EIF4B: variants seen among roughly 807,000 people sequenced by gnomAD.
The protein encoded by EIF4B is eukaryotic translation initiation factor 4B.
Under a neutral mutation model 79.3 loss-of-function variants are expected in EIF4B, and 8 were observed. That is an observed-to-expected ratio of 0.10 (90% CI 0.06 to 0.18). EIF4B has a LOEUF of 0.18. Among genes scored for constraint, EIF4B ranks in the 10% least tolerant of loss-of-function variants. The probability of loss-of-function intolerance (pLI) is 1.00; values close to 1 mark genes in which losing one functional copy is unlikely to be tolerated. For missense variants in EIF4B, 515 were observed against 792.4 expected (o/e 0.65, Z 4.20); for synonymous variants, 238 against 274.7 (o/e 0.87, Z 1.32).
At chr12:53,034,116 A>G (rs1943495375) in intron 9 of EIF4B, 82 bp downstream of exon 9, 1 of 1,392,440 alleles carries the variant, frequency 7.2e-7, no homozygotes, top group African/African-American at 1.4e-5. Flanking sequence ...CATTTGGGAA[A>G]TTTGTGTCGT....
intron 8 of EIF4B, 99 bp from the exon 9 acceptor site, chr12:53,033,707 C>T: frequency 1.5e-6 from 2 of 1,300,116 alleles, no homozygotes; most frequent in Non-Finnish European, 2.1e-6. Context: ...ACTTGAATCT[C>T]ATGTAGCATT....
intron 8 of EIF4B, among the ~76,000 whole-genome samples, chr12:53,033,266 G>A (rs748659479): frequency 2.6e-5 from 4 of 151,428 alleles, no homozygotes; most frequent in South Asian, 2.1e-4. Context: ...TGATCCACCC[G>A]CCTCGGCCTC....
At chr12:53,026,952 G>A (rs1275426373) in intron 6 of EIF4B, among the ~76,000 whole-genome samples, 2 of 151,840 alleles carry the variant, frequency 1.3e-5, no homozygotes, top group Non-Finnish European at 2.9e-5. Flanking sequence ...TGTCCTGTTA[G>A]TCATATGTTG....
chr12:53,007,118 AT>A lies in EIF4B; in HGVS notation c.13+623del, dbSNP rs561709593. Among the ~76,000 whole-genome samples the A allele has an allele frequency of 3.8e-3, 580 of 152,234 alleles. 2 individuals carry two copies. The highest frequency in any genetic ancestry group is 0.013 in the African/African-American group (544 of 41,544). ...TTTAACGCGCCTGTGTTGCGCACTT[AT>A]GTCCTTTTAGGTTGTCTCTTCCCTT... On this transcript the variant is annotated intron_variant, in intron 1 of 14. Coordinates refer to ENST00000262056, the MANE Select transcript of EIF4B (RefSeq NM_001417.7).
Position 53,040,245 on chromosome 12 carries a change from C to G in EIF4B, c.*22C>G. The G allele has an allele frequency of 6.3e-7, 1 of 1,587,324 alleles. No individual in the cohort carries two copies. Among genetic ancestry groups the G allele is most frequent in the Non-Finnish European group, 8.6e-7 (1 of 1,156,900 alleles). ...ATAGACCTCTACATCCTGTGCTTTT[C>G]TCCTAGTTTCTCTCCACCCTGGAAC... is the stretch of plus-strand genomic sequence containing the variant. On this transcript the variant is annotated 3_prime_UTR_variant, in exon 15 of 15. Transcript: ENST00000262056.
intron 5 of EIF4B, 196 bp downstream of exon 5, chr12:53,022,056 T>C: frequency 1.5e-6 from 1 of 663,274 alleles, no homozygotes. Flanking sequence ...GAGGGAGTGC[T>C]GCTGACATAA....
intron 6 of EIF4B, among the ~76,000 whole-genome samples, chr12:53,024,301 A>G (rs577477852): frequency 2.0e-5 from 3 of 151,802 alleles, no homozygotes; most frequent in African/African-American, 7.2e-5. Context: ...TCTGTAATCA[A>G]ATACTTAATA....
rs745326478 is a variant in EIF4B, at chr12:53,039,308, C to T, written c.1647C>T (p.Asp549=). The T allele has an allele frequency of 1.5e-5, 24 of 1,609,866 alleles. No homozygotes were observed. The East Asian group carries it at 2.9e-4, about 19-fold the overall frequency. The part of the protein sequence containing the change: ...QTGNSSRGPG[D]GGNRDHWKES... The stretch of plus-strand genomic sequence containing the variant: ...GGAACTCTAGCCGTGGTCCAGGCGA[C>T]GGAGGGAACAGAGACCACTGGAAGG... Residue 549 remains aspartate (D), a synonymous_variant, in exon 13 of 15, where the codon GAC becomes GAT. Transcript: ENST00000262056.
rs142298411 is a variant in EIF4B, at chr12:53,039,839, T to A, written c.1755+137T>A. 20 of 991,440 alleles carry A rather than the reference T, an allele frequency of 2.0e-5. No homozygotes were observed. In the Admixed American group the frequency reaches 3.9e-4, roughly 20 times the overall value. The allele number at this position is 991,440 out of a possible 1,614,324, so 61.4% of individuals were successfully genotyped here. On this transcript the variant is annotated intron_variant, in intron 14 of 14. Coordinates refer to ENST00000262056, the MANE Select transcript of EIF4B (RefSeq NM_001417.7). ...ACTTCTTTCCATTTGGAATACAAAG[T>A]GTTTGGAAATAAGACATTGGTCTTT...
In EIF4B at chr12:53,006,464, TTC is replaced by T. The variant is rs765656155; in HGVS notation, c.-16_-15del. 6.2e-7 allele frequency: 1 copy of T among 1,613,166 alleles called. No individual in the cohort carries two copies. Among genetic ancestry groups the T allele is most frequent in the Non-Finnish European group, 8.5e-7 (1 of 1,180,010 alleles). ...GATTGCCTCATCCGGGTCTTTTGCG[TTC>T]TCTTTCCCTCTCCCAACATGGCGGC... On this transcript the variant is annotated 5_prime_UTR_variant, in exon 1 of 15. Coordinates refer to ENST00000262056, the MANE Select transcript of EIF4B (RefSeq NM_001417.7).
At chr12:53,007,120 G>A (rs1369559222) in intron 1 of EIF4B, among the ~76,000 whole-genome samples, 2 of 151,164 alleles carry the variant, frequency 1.3e-5, no homozygotes, top group East Asian at 1.9e-4. Context: ...GCGCACTTAT[G>A]TCCTTTTAGG....
Position 53,022,158 on chromosome 12 carries a change from CTGAT to C in EIF4B, c.532+303_532+306del, listed in dbSNP as rs1943255637. On this transcript the variant is annotated intron_variant, in intron 5 of 14. Transcript: ENST00000262056. ...AAAATGCATGTCAAGATTGAGAAGA[CTGAT>C]TGATCTAGATGAACATTAAATAGAT... is the stretch of plus-strand genomic sequence containing the variant. 4 of 663,528 alleles carry C rather than the reference CTGAT, an allele frequency of 6.0e-6. No individual in the cohort carries two copies. The South Asian group carries it at 6.4e-5, about 11-fold the overall frequency. The allele number at this position is 663,528 out of a possible 1,614,324, so 41.1% of individuals were successfully genotyped here.
At chr12:53,039,894 T>C in intron 14 of EIF4B, 192 bp downstream of exon 14, 1 of 768,058 alleles carries the variant, frequency 1.3e-6, no homozygotes, top group East Asian at 2.7e-5. Context: ...TTTAGCTTTT[T>C]CCTGGTTTCT....
chr12:53,037,829 T>C (rs1943564731), intron 11 of EIF4B: 1 of 614,390 alleles, frequency 1.6e-6, no homozygotes, highest in African/African-American at 1.9e-5. Context: ...TGAAATCAGC[T>C]ATGATGGGAG....
chr12:53,006,979 C>T (rs1201225785), intron 1 of EIF4B, among the ~76,000 whole-genome samples: 1 of 92,190 alleles, frequency 1.1e-5, no homozygotes, highest in Non-Finnish European at 2.1e-5. Flanking sequence ...AACGCGAGCG[C>T]GAGTTGGTGG....
intron 1 of EIF4B, among the ~76,000 whole-genome samples, chr12:53,015,965 C>G: frequency 7.9e-6 from 1 of 125,966 alleles, no homozygotes. Flanking sequence ...ACAACAAGAG[C>G]AAGACTCTGT....
At chr12:53,023,979 T>C (rs1943293470) in intron 6 of EIF4B, among the ~76,000 whole-genome samples, 1 of 152,180 alleles carries the variant, frequency 6.6e-6, no homozygotes, top group Non-Finnish European at 1.5e-5. Flanking sequence ...TTTTTTCTAA[T>C]AAAAATTGAT....
chr12:53,019,698 T>G (rs2120918912), intron 3 of EIF4B, among the ~76,000 whole-genome samples: 1 of 146,284 alleles, frequency 6.8e-6, no homozygotes, highest in Non-Finnish European at 1.5e-5. Context: ...TTTTTAGAGT[T>G]AAATTCATAC....
rs560146847 is a variant in EIF4B, at chr12:53,021,732, A to C, written c.478-74A>C. 2.5e-4 allele frequency: 386 copies of C among 1,553,488 alleles called. 8 individuals are homozygous for C. In the South Asian group the frequency reaches 4.0e-3, roughly 16 times the overall value. On this transcript the variant is annotated intron_variant, in intron 4 of 14. Transcript: ENST00000262056. ...TTCCCCTAGTGCTTCTGCTATGCCC[A>C]GACGTTCAAGGTCACTCAAGGGATT...
Sources: gnomAD v4.1 joint callset for allele counts (sites outside exome capture counted in the v4.1 genomes callset) on GRCh38, gnomAD v4.1.1 for gene constraint, MANE v1.5 for transcripts, NCBI Gene and HGNC (gene_info 2026-07-23, HGNC 2026-07-21) for gene names.